The following ZNF469 variants were observed in gnomAD, a reference collection of about 807,000 sequenced individuals.
The protein encoded by ZNF469 is zinc finger protein 469.
A neutral mutation model predicts 1.0 loss-of-function variants in ZNF469; 1 was observed. The observed-to-expected ratio is 1.00, with a 90% CI of 0.35 to 4.73. ZNF469 has a LOEUF of 4.73. ZNF469 is among the 30% of genes most tolerant of loss of function. ZNF469 has a pLI of 0.16. For missense variants in ZNF469, 6,100 were observed against 5,356.3 expected, an observed-to-expected ratio of 1.14 and a Z score of -4.33; for synonymous variants, 2,703 against 2,363.4, an observed-to-expected ratio of 1.14 and a Z score of -4.17.
In ZNF469 at chr16:88,433,273, G is replaced by C; in HGVS notation, c.5803G>C (p.Val1935Leu). 2 of 1,550,376 alleles carry C rather than the reference G, an allele frequency of 1.3e-6. No individual in the cohort carries two copies. The highest frequency in any genetic ancestry group is 2.4e-5 in the East Asian group (1 of 40,918). The change falls in exon 3 of 3, where the codon GTG (valine) becomes CTG (leucine). Residue 1935 changes from valine (V) to leucine (L), a missense_variant. Transcript: ENST00000565624. ...ACCTGCTGCCCAGAGCCCTCCACGAGTGAACCCCTCAGGTCTGGAAGGGGG... is the reference window on the plus strand; with the variant it reads ...ACCTGCTGCCCAGAGCCCTCCACGACTGAACCCCTCAGGTCTGGAAGGGGG... ...LTPAAQSPPR[V>L]NPSGLEGGTV...
chr16:88,119,302 G>A, the ZNF469 span, among the ~76,000 whole-genome samples: 9 of 152,098 alleles, frequency 5.9e-5, no homozygotes, highest in African/African-American at 1.4e-4. Flanking sequence ...TCCCTCCCTC[G>A]CTTCATCCCC....
chr16:88,199,982 C>T, the ZNF469 span, among the ~76,000 whole-genome samples: 1 of 152,202 alleles, frequency 6.6e-6, no homozygotes, highest in South Asian at 2.1e-4. Context: ...CCCTTCATGC[C>T]GGGCTCACCA....
the ZNF469 span, among the ~76,000 whole-genome samples, chr16:88,117,668 G>GGA: frequency 2.2e-4 from 33 of 151,192 alleles, no homozygotes; most frequent in African/African-American, 6.6e-4. Flanking sequence ...ACAAACCGTG[G>GGA]AGGTGCCACG....
At chr16:88,281,964 C>T in the ZNF469 span, among the ~76,000 whole-genome samples, 1 of 152,186 alleles carries the variant, frequency 6.6e-6, no homozygotes, top group Non-Finnish European at 1.5e-5. Flanking sequence ...AGATGTTGAG[C>T]ACGAGTTCAT....
chr16:88,143,098 G>A, the ZNF469 span, among the ~76,000 whole-genome samples: 1 of 152,160 alleles, frequency 6.6e-6, no homozygotes, highest in Non-Finnish European at 1.5e-5. Context: ...GACACCCGGT[G>A]AGCACTCACC....
rs528776664 is a variant in ZNF469 at position 88,412,992 on chromosome 16, C to G, written c.-191-11815C>G. 6.0e-4 allele frequency among the ~76,000 whole-genome samples: 92 copies of G among 152,200 alleles called. 3 individuals are homozygous for G. The South Asian group carries it at 0.019, about 31-fold the overall frequency. On this transcript the variant is annotated intron_variant, in intron 1 of 2. Coordinates refer to ENST00000565624, the MANE Select transcript of ZNF469 (RefSeq NM_001367624.2). ...GTGGGCATGGGAGCCCTGCGACCCC[C>G]ACCTGAGTGGGAGGGTCACCGAGAG...
intron 1 of ZNF469, among the ~76,000 whole-genome samples, chr16:88,402,387 C>A (rs949848796): frequency 6.6e-6 from 1 of 152,140 alleles, no homozygotes; most frequent in Non-Finnish European, 1.5e-5. Context: ...ATGCTGAGTG[C>A]TGTGGGTAGC....
chr16:88,355,267 T>C, the ZNF469 span, among the ~76,000 whole-genome samples: 1 of 152,202 alleles, frequency 6.6e-6, no homozygotes, highest in Non-Finnish European at 1.5e-5. Flanking sequence ...GGCTATTTTC[T>C]CATCCTAATC....
the ZNF469 span, among the ~76,000 whole-genome samples, chr16:88,214,777 G>A: frequency 2.2e-4 from 33 of 152,250 alleles, no homozygotes; most frequent in African/African-American, 7.9e-4. Flanking sequence ...TCTTGTGTTA[G>A]TTTGCTGAGA....
At chr16:88,169,226 G>T in the ZNF469 span, among the ~76,000 whole-genome samples, 1 of 152,204 alleles carries the variant, frequency 6.6e-6, no homozygotes, top group Non-Finnish European at 1.5e-5. This position sits in a 1 kb window ranked among gnomAD's most constrained non-coding sequence, Gnocchi z 6.1. Context: ...TGTTGTTGCT[G>T]AAGTCAGGTT....
chr16:88,429,633 C>G lies in ZNF469; in HGVS notation c.2163C>G (p.Ser721Arg). 3 of 1,544,450 alleles carry G rather than the reference C, an allele frequency of 1.9e-6. No homozygotes were observed. The highest frequency in any genetic ancestry group is 2.6e-6 in the Non-Finnish European group (3 of 1,143,158). The change falls in exon 3 of 3, where the codon AGC becomes AGG. Residue 721 changes from serine (S) to arginine (R), a missense_variant. By Grantham distance (110) the Ser-to-Arg change is moderately radical. Coordinates refer to ENST00000565624, the MANE Select transcript of ZNF469 (RefSeq NM_001367624.2). ...CCACACACCACTTCTCCCTCAGCAG[C>G]GCCAGCCTGGACCAGCTGGACGTGC... ...PYPTHHFSLS[S>R]ASLDQLDVLL...
chr16:88,368,610 A>G, the ZNF469 span, among the ~76,000 whole-genome samples: 1 of 151,404 alleles, frequency 6.6e-6, no homozygotes, highest in East Asian at 1.9e-4. Context: ...GTCGCCTGGG[A>G]GAATGTGGCC....
At chr16:88,421,100 G>A (rs986684056) in intron 1 of ZNF469, among the ~76,000 whole-genome samples, 1 of 151,956 alleles carries the variant, frequency 6.6e-6, no homozygotes, top group African/African-American at 2.4e-5. Flanking sequence ...AACTGAGCAG[G>A]TTGAAAGAGG....
the ZNF469 span, among the ~76,000 whole-genome samples, chr16:88,332,422 G>A: frequency 1.1e-4 from 16 of 152,206 alleles, no homozygotes; most frequent in African/African-American, 2.7e-4. Context: ...CCTCTGTGCC[G>A]GCTCTCCTGG....
At position 88,427,640 on chromosome 16, in the gene ZNF469, C is replaced by A; in HGVS notation, c.170C>A (p.Ala57Asp). 6.5e-7 allele frequency: 1 copy of A among 1,537,070 alleles called. No homozygotes were observed. Among genetic ancestry groups the A allele is most frequent in the Non-Finnish European group, 8.7e-7 (1 of 1,146,194 alleles). Residue 57 changes from alanine (A) to aspartate (D), a missense_variant, in exon 3 of 3, where the codon GCC (alanine) becomes GAC (aspartate). By Grantham distance (126) the Ala-to-Asp change is moderately radical. Coordinates refer to ENST00000565624, the MANE Select transcript of ZNF469 (RefSeq NM_001367624.2). ...GAREAGGQAQ[A>D]MELPEAQPRQ... ...AGGGAGGCTGGCGGCCAGGCCCAGG[C>A]CATGGAGCTCCCCGAGGCCCAGCCA...
the ZNF469 span, among the ~76,000 whole-genome samples, chr16:88,315,545 G>T: frequency 6.6e-6 from 1 of 152,334 alleles, no homozygotes; most frequent in African/African-American, 2.4e-5. Context: ...GTGACCAAGG[G>T]CGTGGCCAGG....
chr16:88,304,624 T>C, the ZNF469 span, among the ~76,000 whole-genome samples: 1 of 152,174 alleles, frequency 6.6e-6, no homozygotes, highest in Non-Finnish European at 1.5e-5. Context: ...TGTGGCATGC[T>C]TCAACCTCAA....
chr16:88,240,924 C>T, the ZNF469 span, among the ~76,000 whole-genome samples: 1 of 152,124 alleles, frequency 6.6e-6, no homozygotes, highest in Non-Finnish European at 1.5e-5. Flanking sequence ...ACACAAGCCA[C>T]CTGCCACCGA....
At chr16:88,110,175 A>T in the ZNF469 span, among the ~76,000 whole-genome samples, 3 of 152,138 alleles carry the variant, frequency 2.0e-5, no homozygotes, top group East Asian at 3.9e-4. Flanking sequence ...CCCCTCCCCA[A>T]ATCACCCAGG....
Sources: allele counts gnomAD v4.1 joint callset (sites outside exome capture counted in the v4.1 genomes callset), GRCh38; gene constraint gnomAD v4.1.1; non-coding constraint Gnocchi (gnomAD v3.1); transcripts MANE v1.5; gene names NCBI Gene and HGNC (gene_info 2026-07-23, HGNC 2026-07-21).